Variants in GRM5 observed in about 807,000 individuals in gnomAD.
The protein encoded by GRM5 is metabotropic glutamate receptor 5.
In GRM5, 19 loss-of-function variants were observed where a neutral mutation model predicts 83.1. The ratio of observed to expected loss-of-function variants is 0.23; its 90% CI spans 0.16 to 0.34. The LOEUF (loss-of-function observed/expected upper bound fraction) is 0.34. Among genes scored for constraint, GRM5 ranks in the 10% least tolerant of loss-of-function variants. GRM5 has a pLI of 1.00. For synonymous variants in GRM5, 675 were observed against 633.6 expected, an observed-to-expected ratio of 1.07 and a Z score of -0.98; for missense variants, 1,160 against 1,588.3, an observed-to-expected ratio of 0.73 and a Z score of 4.58.
At chr11:88,599,474 C>T (rs1454458768) in intron 5 of GRM5, among the ~76,000 whole-genome samples, 2 of 152,102 alleles carry the variant, frequency 1.3e-5, no homozygotes, top group Admixed American at 1.3e-4. Flanking sequence ...TGTTTTAGTA[C>T]ACTAAAAAAG....
At chr11:88,519,097 G>A (rs920938456) in intron 9 of GRM5, among the ~76,000 whole-genome samples, 1 of 150,702 alleles carries the variant, frequency 6.6e-6, no homozygotes, top group South Asian at 2.1e-4. Context: ...GCTAGACTAA[G>A]ACTTTTAGAC....
intron 2 of GRM5, among the ~76,000 whole-genome samples, chr11:88,913,793 G>A (rs1193280431): frequency 6.6e-6 from 1 of 151,800 alleles, no homozygotes; most frequent in Non-Finnish European, 1.5e-5. Flanking sequence ...CACCATGTTG[G>A]CCAGGCTGGT....
At chr11:88,682,030 C>G (rs1170781475) in intron 3 of GRM5, among the ~76,000 whole-genome samples, 1 of 152,126 alleles carries the variant, frequency 6.6e-6, no homozygotes, top group Non-Finnish European at 1.5e-5. Context: ...CCTAGGATAG[C>G]AAGATTACCA....
chr11:89,029,958 A>G (rs1024343861), intron 2 of GRM5, among the ~76,000 whole-genome samples: 30 of 151,990 alleles, frequency 2.0e-4, no homozygotes, highest in Non-Finnish European at 3.5e-4. Flanking sequence ...ATTTTTTACT[A>G]CTGTTATATT....
At chr11:89,059,153 G>A (rs1158270881) in intron 1 of GRM5, among the ~76,000 whole-genome samples, 4 of 152,028 alleles carry the variant, frequency 2.6e-5, no homozygotes, top group Non-Finnish European at 2.9e-5. Context: ...CCCATGGCCT[G>A]AACCAGCATT....
intron 2 of GRM5, among the ~76,000 whole-genome samples, chr11:89,028,564 C>T (rs1193628262): frequency 1.3e-5 from 2 of 152,172 alleles, no homozygotes; most frequent in African/African-American, 4.8e-5. Flanking sequence ...CAACTGTACT[C>T]AGCCTGAGTG....
chr11:88,653,429 G>T (rs778300465), intron 3 of GRM5, 26 bp from the exon 4 acceptor site: 2 of 1,484,750 alleles, frequency 1.3e-6, no homozygotes, highest in South Asian at 1.1e-5. Context: ...AAAACCCTCA[G>T]CTTAGAACAG....
intron 3 of GRM5, among the ~76,000 whole-genome samples, chr11:88,730,926 G>T (rs909397680): frequency 6.6e-6 from 1 of 152,058 alleles, no homozygotes; most frequent in Non-Finnish European, 1.5e-5. Flanking sequence ...TAGATGATGG[G>T]TTGATGGGTG....
At chr11:88,782,359 C>A (rs1191372238) in intron 3 of GRM5, among the ~76,000 whole-genome samples, 2 of 152,128 alleles carry the variant, frequency 1.3e-5, no homozygotes, top group African/African-American at 4.8e-5. Flanking sequence ...CAAGTCACAT[C>A]TTACATGGGT....
At chr11:88,720,691 T>C (rs958305713) in intron 3 of GRM5, among the ~76,000 whole-genome samples, 3 of 152,044 alleles carry the variant, frequency 2.0e-5, no homozygotes, top group Non-Finnish European at 4.4e-5. Context: ...AAAAATAATA[T>C]TGGAGAGCGT....
intron 3 of GRM5, among the ~76,000 whole-genome samples, chr11:88,791,116 G>A (rs1431013859): frequency 2.6e-5 from 4 of 152,292 alleles, no homozygotes; most frequent in African/African-American, 4.8e-5. Flanking sequence ...CCAGTAGCAT[G>A]AACAGGATTT....
Position 88,964,059 on chromosome 11 carries a change from C to A in GRM5, c.661+83153G>T, listed in dbSNP as rs368416907. Among the ~76,000 whole-genome samples, 6 of 152,238 alleles carry A rather than the reference C, an allele frequency of 3.9e-5. No homozygotes were observed. In the East Asian group the frequency reaches 9.6e-4, roughly 24 times the overall value. On this transcript the variant is annotated intron_variant, in intron 2 of 9. Coordinates refer to ENST00000305447, the MANE Select transcript of GRM5 (RefSeq NM_001143831.3). ...AGTGCAGGGACACACTCTTTATGTG[C>A]AATTTGTAATCTAGGTTGACTGAAA...
intron 3 of GRM5, among the ~76,000 whole-genome samples, chr11:88,797,343 TG>T (rs1480311183): frequency 1.1e-4 from 16 of 152,296 alleles, no homozygotes; most frequent in African/African-American, 3.8e-4. Context: ...AGTTTCACCA[TG>T]TTGATCAGGC....
At chr11:88,958,109 C>A (rs1332884131) in intron 2 of GRM5, among the ~76,000 whole-genome samples, 2 of 151,840 alleles carry the variant, frequency 1.3e-5, no homozygotes, top group Admixed American at 1.3e-4. Flanking sequence ...CTTCCCCAAC[C>A]TATGCCCTCC....
intron 2 of GRM5, among the ~76,000 whole-genome samples, chr11:88,928,824 G>T (rs1315628395): frequency 6.6e-6 from 1 of 150,982 alleles, no homozygotes; most frequent in Non-Finnish European, 1.5e-5. Context: ...TACACTGTTT[G>T]TTATCAGTGC....
At chr11:88,773,370 G>T (rs1328206694) in intron 3 of GRM5, among the ~76,000 whole-genome samples, 1 of 152,132 alleles carries the variant, frequency 6.6e-6, no homozygotes, top group Non-Finnish European at 1.5e-5. Context: ...CAGGTGGGTA[G>T]ATTGCAAAAA....
Position 88,978,474 on chromosome 11 carries a change from T to TAAAA in GRM5, c.661+68734_661+68737dup, listed in dbSNP as rs200343438. On this transcript the variant is annotated intron_variant, in intron 2 of 9. Coordinates refer to ENST00000305447, the MANE Select transcript of GRM5 (RefSeq NM_001143831.3). Reference sequence around the variant, plus strand: ...TAACATTAACAACAGCAGATGAGCTTAAAAAAAAAAAAAAAAAAAAAAAAA... The same window carrying TAAAA: ...TAACATTAACAACAGCAGATGAGCTTAAAAAAAAAAAAAAAAAAAAAAAAAAAAA... Among the ~76,000 whole-genome samples, 215 of 97,900 alleles carry TAAAA rather than the reference T, an allele frequency of 2.2e-3. 12 individuals are homozygous for TAAAA. The highest frequency in any genetic ancestry group is 3.2e-3 in the Non-Finnish European group (152 of 47,548). 64.2% of individuals were successfully genotyped at this position (97,900 alleles called of 152,430 possible). A position where few individuals can be genotyped will look rare whatever the true frequency, so the allele number is the denominator to read the frequency against.
intron 4 of GRM5, among the ~76,000 whole-genome samples, chr11:88,605,760 G>T (rs12787697): frequency 0.12 from 18,045 of 152,150 alleles, 1,425 homozygotes; most frequent in Non-Finnish European, 0.18. Flanking sequence ...CCAATAGAAG[G>T]TTCTTGGGAA....
intron 4 of GRM5, among the ~76,000 whole-genome samples, chr11:88,632,305 G>A (rs998944560): frequency 7.2e-6 from 1 of 138,274 alleles, no homozygotes; most frequent in Admixed American, 7.9e-5. Context: ...GGAGTGCAGT[G>A]GTGCAATCCT....
Sources: allele counts gnomAD v4.1 joint callset (sites outside exome capture counted in the v4.1 genomes callset), GRCh38; gene constraint gnomAD v4.1.1; transcripts MANE v1.5; gene names NCBI Gene and HGNC (gene_info 2026-07-23, HGNC 2026-07-21).